The following OR52N4 variants were observed in gnomAD, a reference collection of about 807,000 sequenced individuals.
OR52N4 encodes the protein olfactory receptor 52N4.
In OR52N4, 15 loss-of-function variants were observed where a neutral mutation model predicts 15.0. The ratio of observed to expected loss-of-function variants is 1.00; its 90% CI spans 0.67 to 1.54. The LOEUF (loss-of-function observed/expected upper bound fraction) is 1.54. Ranked by LOEUF, OR52N4 falls within the 40% of genes most tolerant of loss-of-function variation. The pLI is 0.00. For missense variants in OR52N4, 421 were observed against 394.0 expected (o/e 1.07, Z -0.58); for synonymous variants, 143 against 143.7 (o/e 1.00, Z 0.03).
chr11:5,738,867 CA>C, the OR52N4 span, among the ~76,000 whole-genome samples: 2 of 64,616 alleles, frequency 3.1e-5, 1 homozygote, highest in Non-Finnish European at 7.3e-5. Context: ...CCATTAAACA[CA>C]TGCTCAGATT....
chr11:5,750,314 C>T (rs1854163837), upstream of OR52N4, among the ~76,000 whole-genome samples: 1 of 151,864 alleles, frequency 6.6e-6, no homozygotes, highest in Non-Finnish European at 1.5e-5. Flanking sequence ...TATTTTTCTC[C>T]ACCCAGGTAA....
chr11:5,747,916 A>C, the OR52N4 span, among the ~76,000 whole-genome samples: 85 of 152,264 alleles, frequency 5.6e-4, no homozygotes, highest in African/African-American at 1.7e-3. Flanking sequence ...AACTTGGCAC[A>C]TAACTATTGT....
chr11:5,728,195 A>G, the OR52N4 span, among the ~76,000 whole-genome samples: 1 of 152,164 alleles, frequency 6.6e-6, no homozygotes, highest in African/African-American at 2.4e-5. Context: ...GCAGTTTCCA[A>G]TTATTCTTGT....
chr11:5,734,312 G>A, the OR52N4 span: 2 of 409,360 alleles, frequency 4.9e-6, no homozygotes, highest in East Asian at 1.6e-4. Flanking sequence ...ACATTATGTT[G>A]TTTTGTCAAC....
Position 5,755,311 on chromosome 11 carries a change from T to C in OR52N4, c.571T>C (p.Cys191Arg). ...CCACATGTCTGTAGCCAAATTGTCC[T>C]GTGGTAATGTCAAGGTCAATGCCAT... ...CDHMSVAKLS[C>R]GNVKVNAIYG... is the part of the protein sequence containing the mutation. Residue 191 changes from cysteine (C) to arginine (R), a missense_variant, in exon 2 of 2, where the codon TGT becomes CGT. By Grantham distance (180) the Cys-to-Arg change is radical. Transcript: ENST00000641350. 1 of 1,614,080 alleles carries C rather than the reference T, an allele frequency of 6.2e-7. No homozygotes were observed. The highest frequency in any genetic ancestry group is 8.5e-7 in the Non-Finnish European group (1 of 1,179,968).
rs7936512 is a variant in OR52N4 at position 5,755,057 on chromosome 11, C to T, written c.317C>T (p.Thr106Ile). Residue 106 changes from threonine to isoleucine, a missense_variant, in exon 2 of 2, where the codon ACC becomes ATC. Transcript: ENST00000641350. The part of the protein sequence containing the change: ...FDECLVQMFF[T>I]HTFTGMESGV... ...GAATGCCTTGTCCAGATGTTCTTCA[C>T]CCACACCTTCACAGGGATGGAGTCT... 1,546,711 of 1,613,938 alleles carry T rather than the reference C, an allele frequency of 0.96. 741,735 individuals are homozygous for T. Among genetic ancestry groups the T allele is most frequent in the Middle Eastern group, 0.99 (5,981 of 6,062 alleles).
the OR52N4 span, among the ~76,000 whole-genome samples, chr11:5,730,839 A>T: frequency 6.6e-6 from 1 of 151,348 alleles, no homozygotes; most frequent in South Asian, 2.1e-4. Flanking sequence ...TGTGCTCTTC[A>T]TTGCATTAGG....
At position 5,755,592 on chromosome 11, in the gene OR52N4, G is replaced by A. The variant is rs139066388; in HGVS notation, c.852G>A (p.Leu284=). The A allele has an allele frequency of 8.5e-5, 137 of 1,613,788 alleles. No individual in the cohort carries two copies. Among genetic ancestry groups the A allele is most frequent in the Non-Finnish European group, 1.1e-4 (131 of 1,179,830 alleles). ...ACATCATTGTAGCCAATATTTATCT[G>A]CTCCTACCACCCACTATGAACCCTA... ...SCHIIVANIY[L]LLPPTMNPIV... is the part of the protein sequence containing the mutation. Residue 284 remains leucine, a synonymous_variant, in exon 2 of 2, where the codon CTG becomes CTA. Transcript: ENST00000641350.
intron 1 of OR52N4, 47 bp from the exon 2 acceptor site, chr11:5,754,646 C>G (rs1854257776): frequency 3.1e-6 from 4 of 1,298,658 alleles, no homozygotes; most frequent in Admixed American, 2.5e-5. Flanking sequence ...GAGAGGGAGA[C>G]AGTAAAAATA....
chr11:5,731,937 A>T, the OR52N4 span, among the ~76,000 whole-genome samples: 2 of 152,194 alleles, frequency 1.3e-5, no homozygotes, highest in African/African-American at 4.8e-5. Context: ...AATATATATA[A>T]GGGATGCAAT....
At chr11:5,729,885 T>C in the OR52N4 span, among the ~76,000 whole-genome samples, 1 of 152,210 alleles carries the variant, frequency 6.6e-6, no homozygotes, top group East Asian at 1.9e-4. Context: ...CTATATTTAT[T>C]TATTGCCAAT....
At chr11:5,726,581 T>C in the OR52N4 span, 2 of 152,226 alleles carry the variant, frequency 1.3e-5, no homozygotes, top group South Asian at 2.1e-4. Flanking sequence ...ACAATTTCAT[T>C]TGTGGCTCTC....
the OR52N4 span, chr11:5,734,206 C>A: frequency 2.0e-5 from 9 of 455,720 alleles, no homozygotes; most frequent in Non-Finnish European, 3.5e-5. Flanking sequence ...GCCTAGGATC[C>A]CAGACTGTGA....
chr11:5,743,847 C>T, the OR52N4 span, among the ~76,000 whole-genome samples: 1 of 151,890 alleles, frequency 6.6e-6, no homozygotes, highest in East Asian at 1.9e-4. Flanking sequence ...ACAACTAAAA[C>T]CCAAAGCTAG....
At chr11:5,741,467 T>C in the OR52N4 span, among the ~76,000 whole-genome samples, 2 of 152,194 alleles carry the variant, frequency 1.3e-5, no homozygotes, top group African/African-American at 4.8e-5. Context: ...CAGTTGGGCA[T>C]TGCATTGCAC....
At position 5,754,989 on chromosome 11, in the gene OR52N4, C is replaced by T. The variant is rs1441740712; in HGVS notation, c.249C>T (p.Ala83=). The T allele has an allele frequency of 9.3e-6, 15 of 1,613,798 alleles. No homozygotes were observed. The highest frequency in any genetic ancestry group is 1.3e-5 in the Non-Finnish European group (15 of 1,179,926). ...LVMCSSTIPK[A]LCIFWFHLKD... ...TGTGCTCTAGTACAATCCCTAAAGC[C>T]CTCTGCATCTTCTGGTTTCATCTCA... Residue 83 remains alanine (A), a synonymous_variant, in exon 2 of 2, where the codon GCC becomes GCT. Coordinates refer to ENST00000641350, the MANE Select transcript of OR52N4 (RefSeq NM_001005175.5).
chr11:5,741,773 G>A, the OR52N4 span, among the ~76,000 whole-genome samples: 7 of 152,084 alleles, frequency 4.6e-5, no homozygotes, highest in Non-Finnish European at 1.0e-4. Flanking sequence ...ACTGCCAGAA[G>A]CCAGGGGACA....
At chr11:5,752,505 T>C (rs61875861), upstream of OR52N4, among the ~76,000 whole-genome samples, 26,236 of 152,122 alleles carry the variant, frequency 0.17, 2,416 homozygotes, top group East Asian at 0.25. Flanking sequence ...ATGATTCCTA[T>C]GGTGTTAATT....
Position 5,755,567 on chromosome 11 carries a change from A to G in OR52N4, c.827A>G (p.His276Arg). 2.5e-6 allele frequency: 4 copies of G among 1,613,900 alleles called. 1 individual carries two copies. In the South Asian group the frequency reaches 4.4e-5, roughly 18 times the overall value. ...FGEHIIPPSC[H>R]IIVANIYLLL... ...GAACACATAATCCCCCCTTCTTGCC[A>G]CATCATTGTAGCCAATATTTATCTG... is the stretch of plus-strand genomic sequence containing the variant. The change falls in exon 2 of 2, where the codon CAC becomes CGC. Residue 276 changes from histidine (H) to arginine (R), a missense_variant. His to Arg is a conservative substitution (Grantham distance 29). Coordinates refer to ENST00000641350, the MANE Select transcript of OR52N4 (RefSeq NM_001005175.5).
Sources: gnomAD v4.1 joint callset for allele counts (sites outside exome capture counted in the v4.1 genomes callset) on GRCh38, gnomAD v4.1.1 for gene constraint, MANE v1.5 for transcripts, NCBI Gene and HGNC (gene_info 2026-07-23, HGNC 2026-07-21) for gene names.